JADE3: variants seen among roughly 807,000 people sequenced by gnomAD.
JADE3 encodes the protein jade family PHD finger 3.
In JADE3, 2 loss-of-function variants were observed where a neutral mutation model predicts 50.1. The observed-to-expected ratio is 0.04, with a 90% CI of 0.02 to 0.13. JADE3 has a LOEUF of 0.13. Among genes scored for constraint, JADE3 ranks in the 10% least tolerant of loss-of-function variants. The pLI is 1.00. For synonymous variants in JADE3, 218 were observed against 232.9 expected (o/e 0.94, Z 0.58); for missense variants, 475 against 634.4 (o/e 0.75, Z 2.70).
At chrX:46,956,975 C>T (rs374391978) in intron 1 of JADE3, among the ~76,000 whole-genome samples, 1 of 109,302 alleles carries the variant, frequency 9.1e-6, no homozygotes, top group East Asian at 2.8e-4. Context: ...ATGTGCACCA[C>T]CACTTCCAGC....
Position 47,058,762 on chromosome X carries a change from C to T in JADE3, c.2157C>T (p.Thr719=). 1 of 1,209,372 alleles carries T rather than the reference C, an allele frequency of 8.3e-7. No homozygotes were observed. Residue 719 remains threonine (T), a synonymous_variant, in exon 11 of 11, where the codon ACC becomes ACT. Coordinates refer to ENST00000614628, the MANE Select transcript of JADE3 (RefSeq NM_014735.5). ...VEHFSRSFKE[T]TNRWVKNTED... Reference sequence around the variant, plus strand: ...ACTTTAGTAGGTCCTTTAAAGAGACCACCAATAGGTGGGTGAAGAACACAG... The same window carrying T: ...ACTTTAGTAGGTCCTTTAAAGAGACTACCAATAGGTGGGTGAAGAACACAG...
chrX:47,031,381 G>T (rs1298861515), intron 6 of JADE3, among the ~76,000 whole-genome samples: 1 of 111,457 alleles, frequency 9.0e-6, no homozygotes, highest in East Asian at 2.8e-4. Context: ...TTCAGTTCTT[G>T]AGCTAAATAC....
At chrX:47,018,394 C>T (rs971282028) in intron 4 of JADE3, among the ~76,000 whole-genome samples, 18 of 108,918 alleles carry the variant, frequency 1.7e-4, no homozygotes, top group Admixed American at 8.8e-4. Flanking sequence ...AGTGCAGTGG[C>T]GCGATCTGGG....
At chrX:46,972,525 A>G (rs1927521559) in intron 1 of JADE3, among the ~76,000 whole-genome samples, 1 of 111,500 alleles carries the variant, frequency 9.0e-6, no homozygotes, top group African/African-American at 3.3e-5. Context: ...ATTTTCATCT[A>G]CATTCAGGCA....
intron 4 of JADE3, among the ~76,000 whole-genome samples, chrX:47,008,787 A>T (rs1006226109): frequency 9.0e-6 from 1 of 111,126 alleles, no homozygotes; most frequent in African/African-American, 3.3e-5. Context: ...AAGCAGGAGG[A>T]TACAAGGAAA....
chrX:47,018,365 G>T (rs1292978131), intron 4 of JADE3, among the ~76,000 whole-genome samples: 8 of 107,188 alleles, frequency 7.5e-5, no homozygotes, highest in Admixed American at 2.0e-4. Flanking sequence ...ATGGAGTCTC[G>T]CTCTGTCACC....
rs182539564 is a variant in JADE3 at position 46,989,403 on chromosome X, C to T, written c.126+3611C>T. On this transcript the variant is annotated intron_variant, in intron 3 of 10. Coordinates refer to ENST00000614628, the MANE Select transcript of JADE3 (RefSeq NM_014735.5). ...AGGATAGGTCTGCTGGTGATAAATTCGCTTAGTTTTCCTTCATTTGAGGAT... is the reference window on the plus strand; with the variant it reads ...AGGATAGGTCTGCTGGTGATAAATTTGCTTAGTTTTCCTTCATTTGAGGAT... Among the ~76,000 whole-genome samples, 591 of 111,531 alleles carry T rather than the reference C, an allele frequency of 5.3e-3. 3 individuals are homozygous for T. The highest frequency in any genetic ancestry group is 0.017 in the African/African-American group (516 of 30,733).
At chrX:46,930,001 T>C (rs782084733) in intron 1 of JADE3, among the ~76,000 whole-genome samples, 1 of 112,175 alleles carries the variant, frequency 8.9e-6, no homozygotes, top group South Asian at 3.7e-4. Context: ...GGCTACAATG[T>C]CCTTTCATCT....
chrX:46,951,227 C>G (rs1712789079), intron 1 of JADE3, among the ~76,000 whole-genome samples: 1 of 101,469 alleles, frequency 9.9e-6, no homozygotes, highest in African/African-American at 3.5e-5. Flanking sequence ...GGAGTTTCAC[C>G]ATGTTGGCCA....
chrX:47,046,918 A>G (rs954214063), intron 8 of JADE3, among the ~76,000 whole-genome samples: 7 of 112,437 alleles, frequency 6.2e-5, no homozygotes, highest in African/African-American at 2.3e-4. Context: ...TGTTTGTAAC[A>G]TAAAGGATAA....
chrX:47,058,448 G>A lies in JADE3; in HGVS notation c.1843G>A (p.Glu615Lys), dbSNP rs1929679899. Reference sequence around the variant, plus strand: ...GGCCAGTCTCAGCCATTCTAGGAGTGAAGCAAAGGAGTCCAGTCCTGCTTG... The same window carrying A: ...GGCCAGTCTCAGCCATTCTAGGAGTAAAGCAAAGGAGTCCAGTCCTGCTTG... The part of the protein sequence containing the change: ...LLASLSHSRS[E>K]AKESSPAWRT... The change falls in exon 11 of 11, where the codon GAA (glutamate) becomes AAA (lysine). Residue 615 changes from glutamate to lysine, a missense_variant. By Grantham distance (56) the Glu-to-Lys change is moderately conservative. Transcript: ENST00000614628. The A allele has an allele frequency of 8.3e-7, 1 of 1,209,652 alleles. No individual in the cohort carries two copies. Among genetic ancestry groups the A allele is most frequent in the East Asian group, 3.0e-5 (1 of 33,741 alleles).
At chrX:47,014,167 C>T (rs1556362363) in intron 4 of JADE3, among the ~76,000 whole-genome samples, 1 of 112,187 alleles carries the variant, frequency 8.9e-6, no homozygotes, top group African/African-American at 3.2e-5. Context: ...CTGGCTGTAA[C>T]CAGTTTCAGC....
At chrX:46,977,247 C>CT (rs1556351811) in intron 1 of JADE3, among the ~76,000 whole-genome samples, 1 of 111,398 alleles carries the variant, frequency 9.0e-6, no homozygotes, top group Non-Finnish European at 1.9e-5. Context: ...GTAATTCCAG[C>CT]TACTCAGGGG....
chrX:46,998,102 T>C lies in JADE3; in HGVS notation c.127-18T>C, dbSNP rs371333173. 7 of 1,186,131 alleles carry C rather than the reference T, an allele frequency of 5.9e-6. No individual in the cohort carries two copies. The highest frequency in any genetic ancestry group is 1.8e-5 in the African/African-American group (1 of 56,694). On this transcript the variant is annotated intron_variant, in intron 3 of 10. Coordinates refer to ENST00000614628, the MANE Select transcript of JADE3 (RefSeq NM_014735.5). The stretch of plus-strand genomic sequence containing the variant: ...GCATAGTGATGGTCTTCTCAAGATA[T>C]GTGCAATATCTTTCCAGGTATTCCG...
chrX:46,950,183 G>GTA (rs1425912261), intron 1 of JADE3, among the ~76,000 whole-genome samples: 1 of 111,981 alleles, frequency 8.9e-6, no homozygotes, highest in Non-Finnish European at 1.9e-5. Context: ...ACCTGCATAA[G>GTA]TATATAATTC....
intron 3 of JADE3, among the ~76,000 whole-genome samples, chrX:46,991,047 T>TC (rs1927982991): frequency 6.2e-4 from 1 of 1,607 alleles, no homozygotes; most frequent in Non-Finnish European, 1.2e-3. Context: ...CTTCCTTCCC[T>TC]CCCTCCCTCC....
chrX:46,991,060 CACTCCCT>C, intron 3 of JADE3, among the ~76,000 whole-genome samples: 1 of 5,343 alleles, frequency 1.9e-4, no homozygotes, highest in Non-Finnish European at 5.0e-4. Context: ...CTCCCTCCCT[CACTCCCT>C]CCCTCCCCCC....
intron 4 of JADE3, among the ~76,000 whole-genome samples, chrX:47,003,647 TTA>T (rs781997280): frequency 3.9e-4 from 39 of 100,600 alleles, no homozygotes; most frequent in South Asian, 2.0e-3. Flanking sequence ...AGATATAAAT[TTA>T]TATATATATT....
intron 1 of JADE3, among the ~76,000 whole-genome samples, chrX:46,951,536 G>C (rs1239765754): frequency 4.0e-5 from 4 of 99,387 alleles, no homozygotes; most frequent in Non-Finnish European, 8.1e-5. Context: ...GCGGTGAGCG[G>C]AGATTGCACC....
Sources: gnomAD v4.1 joint callset for allele counts (sites outside exome capture counted in the v4.1 genomes callset) on GRCh38, gnomAD v4.1.1 for gene constraint, MANE v1.5 for transcripts, NCBI Gene and HGNC (gene_info 2026-07-23, HGNC 2026-07-21) for gene names.